Variants in PUS7 observed in about 807,000 individuals in gnomAD.
PUS7 encodes pseudouridine synthase 7.
In PUS7, 48 loss-of-function variants were observed where a neutral mutation model predicts 79.8. That is an observed-to-expected ratio of 0.60 (90% CI 0.48 to 0.76). The LOEUF is 0.76. Among genes scored for constraint, PUS7 ranks in the 30% least tolerant of loss-of-function variants. PUS7 has a pLI of 0.00. For synonymous variants in PUS7, 286 were observed against 272.2 expected (o/e 1.05, Z -0.50); for missense variants, 729 against 797.6 (o/e 0.91, Z 1.04).
intron 12 of PUS7, 59 bp downstream of exon 12, chr7:105,468,278 C>T: frequency 2.5e-6 from 4 of 1,580,188 alleles, no homozygotes; most frequent in Non-Finnish European, 3.4e-6. Context: ...TTTAAAGCCA[C>T]TAGTGGCAAC....
intron 5 of PUS7, among the ~76,000 whole-genome samples, chr7:105,498,475 G>A (rs548513136): frequency 5.3e-5 from 8 of 152,312 alleles, no homozygotes; most frequent in Middle Eastern, 3.4e-3. Context: ...GCTTCTGAGG[G>A]CCTAACAAGG....
Position 105,459,218 on chromosome 7 carries a change from T to A in PUS7, c.1799A>T (p.Asn600Ile). 6.2e-7 allele frequency: 1 copy of A among 1,611,840 alleles called. No homozygotes were observed. The highest frequency in any genetic ancestry group is 8.5e-7 in the Non-Finnish European group (1 of 1,178,714). The change falls in exon 15 of 16, where the codon AAC becomes ATC. Residue 600 changes from asparagine (N) to isoleucine (I), a missense_variant. Coordinates refer to ENST00000469408, the MANE Select transcript of PUS7 (RefSeq NM_019042.5). ...CCCTTCTAGGTTGTCCACATCTGTG[T>A]TGAAAAGTGGAATTTTGGGATCATC... ...AYDDPKIPLF[N>I]TDVDNLEGKT...
At chr7:105,505,276 T>G (rs1825410303) in intron 4 of PUS7, among the ~76,000 whole-genome samples, 1 of 152,222 alleles carries the variant, frequency 6.6e-6, no homozygotes, top group Non-Finnish European at 1.5e-5. Flanking sequence ...GTGCTGGGAT[T>G]ACAGGTGTGA....
chr7:105,477,240 GTTTAT>G (rs1186332755), intron 9 of PUS7, among the ~76,000 whole-genome samples: 22 of 151,952 alleles, frequency 1.4e-4, no homozygotes, highest in East Asian at 5.8e-4. Flanking sequence ...TCCATTTTGA[GTTTAT>G]TTTATTTTAT....
chr7:105,503,952 T>A (rs1488513064), intron 4 of PUS7, among the ~76,000 whole-genome samples: 2 of 151,806 alleles, frequency 1.3e-5, no homozygotes, highest in Non-Finnish European at 2.9e-5. Context: ...TTCCATTTTT[T>A]AAAAATGCTG....
At position 105,462,451 on chromosome 7, in the gene PUS7, AC is replaced by A. The variant is rs993366742; in HGVS notation, c.1757+169del. On this transcript the variant is annotated intron_variant, in intron 14 of 15. Transcript: ENST00000469408. ...GTCTCAAAAAAAAACCAAAAAAAAA[AC>A]AAAAGGTAAGTAAAAATATGGTGTT... is the stretch of plus-strand genomic sequence containing the variant. 9 of 744,072 alleles carry A rather than the reference AC, an allele frequency of 1.2e-5. No individual in the cohort carries two copies. In the South Asian group the frequency reaches 1.3e-4, roughly 11 times the overall value. 46.1% of individuals were successfully genotyped at this position (744,072 alleles called of 1,614,324 possible).
chr7:105,522,253 G>T lies in PUS7; in HGVS notation c.-234C>A, dbSNP rs1039568607. ...CGGGCTCGCACACGTGCGGCGCAGC[G>T]ACGCGCCGCGGCCCGACTGGACCCG... On this transcript the variant is annotated 5_prime_UTR_variant, in exon 1 of 16. Coordinates refer to ENST00000469408, the MANE Select transcript of PUS7 (RefSeq NM_019042.5). The T allele has an allele frequency of 4.0e-5, 6 of 151,730 alleles. No individual in the cohort carries two copies. Among genetic ancestry groups the T allele is most frequent in the Admixed American group, 6.6e-5 (1 of 15,228 alleles). 9.4% of individuals were successfully genotyped at this position (151,730 alleles called of 1,614,324 possible). A position where few individuals can be genotyped will look rare whatever the true frequency, so the allele number is the denominator to read the frequency against.
chr7:105,461,938 G>T (rs1823444813), intron 14 of PUS7, among the ~76,000 whole-genome samples: 1 of 152,166 alleles, frequency 6.6e-6, no homozygotes, highest in Non-Finnish European at 1.5e-5. Flanking sequence ...AATACTTTGG[G>T]AGGCCGAGGT....
chr7:105,470,995 C>T (rs570861329), intron 10 of PUS7, 147 bp from the exon 11 acceptor site: 4 of 850,170 alleles, frequency 4.7e-6, no homozygotes, highest in Non-Finnish European at 5.0e-6. Context: ...TGAGGAAGCG[C>T]AAAGATGGGA....
intron 7 of PUS7, among the ~76,000 whole-genome samples, chr7:105,485,277 T>C (rs903259110): frequency 3.9e-5 from 6 of 152,202 alleles, no homozygotes; most frequent in Non-Finnish European, 8.8e-5. Context: ...TGGCGCGATC[T>C]TGGCTCACTG....
At position 105,496,923 on chromosome 7, in the gene PUS7, T is replaced by C. The variant is rs1484690986; in HGVS notation, c.731-1670A>G. 7 of 1,174,940 alleles carry C rather than the reference T, an allele frequency of 6.0e-6. No homozygotes were observed. The East Asian group carries it at 4.6e-4, about 77-fold the overall frequency. 72.8% of individuals were successfully genotyped at this position (1,174,940 alleles called of 1,614,324 possible). A position where few individuals can be genotyped will look rare whatever the true frequency, so the allele number is the denominator to read the frequency against. The stretch of plus-strand genomic sequence containing the variant: ...TGTGACAAAATCTTTGGCATTTCAC[T>C]TTATCTACATGAAATGCCAAATGCT... On this transcript the variant is annotated intron_variant, in intron 5 of 15. Transcript: ENST00000469408.
chr7:105,476,102 C>T (rs140468307), intron 9 of PUS7, among the ~76,000 whole-genome samples: 4,543 of 129,468 alleles, frequency 0.035, 100 homozygotes, highest in African/African-American at 0.065. Context: ...CCAGCCTGGG[C>T]GACAGAGCAA....
At chr7:105,512,880 C>G (rs553954962) in intron 1 of PUS7, among the ~76,000 whole-genome samples, 3 of 152,066 alleles carry the variant, frequency 2.0e-5, no homozygotes, top group Non-Finnish European at 4.4e-5. Context: ...CAGAAAAAGG[C>G]GACTTTCAAG....
chr7:105,468,212 C>G, intron 12 of PUS7, 125 bp downstream of exon 12: 1 of 1,292,140 alleles, frequency 7.7e-7, no homozygotes, highest in South Asian at 1.5e-5. Context: ...GGATTATGGG[C>G]GTGTACCACC....
In PUS7 at chr7:105,482,396, T is replaced by C; in HGVS notation, c.965A>G (p.Asn322Ser). The change falls in exon 8 of 16, where the codon AAC (asparagine) becomes AGC (serine). Residue 322 changes from asparagine to serine, a missense_variant. Transcript: ENST00000469408. Reference sequence around the variant, plus strand: ...ATAGCTGAAATTCCCTAGCTTAAAGTTCATCAAGCACTTATTCAGGTGGGC... The same window carrying C: ...ATAGCTGAAATTCCCTAGCTTAAAGCTCATCAAGCACTTATTCAGGTGGGC... ...RLAHLNKCLM[N>S]FKLGNFSYQK... 5.0e-6 allele frequency: 8 copies of C among 1,612,032 alleles called. No homozygotes were observed. The highest frequency in any genetic ancestry group is 6.8e-6 in the Non-Finnish European group (8 of 1,179,004).
At chr7:105,458,102 C>G (rs1823262954) in intron 15 of PUS7, among the ~76,000 whole-genome samples, 176 bp from the exon 16 acceptor site, 1 of 152,056 alleles carries the variant, frequency 6.6e-6, no homozygotes, top group East Asian at 1.9e-4. Context: ...TGTGAACCTG[C>G]TGAATGGTTA....
At chr7:105,460,853 CAAAAAAAAAA>C (rs55923593) in intron 14 of PUS7, among the ~76,000 whole-genome samples, 1 of 83,564 alleles carries the variant, frequency 1.2e-5, no homozygotes, top group African/African-American at 4.8e-5. Context: ...GACTCCGTCT[CAAAAAAAAAA>C]AAAAAAAAAA....
Position 105,508,467 on chromosome 7 carries a change from G to T in PUS7, c.46C>A (p.Leu16Met). The change falls in exon 2 of 16, where the codon CTG becomes ATG. Residue 16 changes from leucine to methionine, a missense_variant. Leu to Met is a conservative substitution (Grantham distance 15). Transcript: ENST00000469408. ...CCACTGTCATTATCTTCGACAACCA[G>T]TGCCCCACGTTTCAGCGACACACCA... ...MTGVSLKRGA[L>M]VVEDNDSGVP... 1.9e-6 allele frequency: 3 copies of T among 1,614,048 alleles called. No individual in the cohort carries two copies. The highest frequency in any genetic ancestry group is 2.5e-6 in the Non-Finnish European group (3 of 1,180,022).
chr7:105,457,908 A>T lies in PUS7; in HGVS notation c.1868T>A (p.Leu623Gln). 6.2e-7 allele frequency: 1 copy of T among 1,613,986 alleles called. No homozygotes were observed. The highest frequency in any genetic ancestry group is 8.5e-7 in the Non-Finnish European group (1 of 1,179,896). ...AGGGGGTAGAGAAAAATCCATTTTC[A>T]GAGCCCTGTATTTGCCTTCTGCAAG... ...VFASEGKYRA[L>Q]KMDFSLPPST... The change falls in exon 16 of 16, where the codon CTG becomes CAG. Residue 623 changes from leucine (L) to glutamine (Q), a missense_variant. Transcript: ENST00000469408.
Sources: allele counts gnomAD v4.1 joint callset (sites outside exome capture counted in the v4.1 genomes callset), GRCh38; gene constraint gnomAD v4.1.1; transcripts MANE v1.5; gene names NCBI Gene and HGNC (gene_info 2026-07-23, HGNC 2026-07-21).